Variants in KIF25 observed in about 807,000 individuals in gnomAD.
KIF25 encodes kinesin-like protein KIF25.
KIF25 carries 19 observed loss-of-function variants against 32.9 expected under a neutral mutation model. That is an observed-to-expected ratio of 0.58 (90% CI 0.40 to 0.85). KIF25 has a LOEUF of 0.85. KIF25 is among the 40% of genes least tolerant of loss of function. The pLI, the probability that KIF25 is intolerant of heterozygous loss-of-function variation, is 0.00. For synonymous variants in KIF25, 225 were observed against 213.7 expected (o/e 1.05, Z -0.46); for missense variants, 485 against 507.0 (o/e 0.96, Z 0.42).
At chr6:168,011,076 A>G (rs1351954303) in intron 4 of KIF25, among the ~76,000 whole-genome samples, 1 of 152,158 alleles carries the variant, frequency 6.6e-6, no homozygotes, top group Non-Finnish European at 1.5e-5. Context: ...GGCAGTTTAC[A>G]TCTTTAAAGT....
At chr6:168,020,840 GAT>G (rs1167480348) in intron 5 of KIF25, among the ~76,000 whole-genome samples, 1 of 152,110 alleles carries the variant, frequency 6.6e-6, no homozygotes, top group Non-Finnish European at 1.5e-5. Context: ...GGATGGAAAA[GAT>G]ATATTTACCT....
intron 2 of KIF25, among the ~76,000 whole-genome samples, chr6:168,000,888 G>T (rs1562378510): frequency 6.6e-6 from 1 of 152,228 alleles, no homozygotes; most frequent in African/African-American, 2.4e-5. Flanking sequence ...GGAGGGCCTG[G>T]CTTGAGCCTC....
At chr6:168,029,107 C>T (rs115865579) in intron 5 of KIF25, among the ~76,000 whole-genome samples, 2,018 of 152,264 alleles carry the variant, frequency 0.013, 22 homozygotes, top group African/African-American at 0.025. Context: ...AATCATAGCT[C>T]GTTGCAATAT....
At chr6:168,014,135 C>T (rs1379910843) in intron 4 of KIF25, among the ~76,000 whole-genome samples, 1 of 152,146 alleles carries the variant, frequency 6.6e-6, no homozygotes, top group Non-Finnish European at 1.5e-5. Flanking sequence ...TATCAATCCC[C>T]TCCTGTTATA....
At position 168,036,812 on chromosome 6, in the gene KIF25, A is replaced by G. The variant is rs902189204; in HGVS notation, c.318-1741A>G. 3.0e-4 allele frequency among the ~76,000 whole-genome samples: 46 copies of G among 152,214 alleles called. 1 individual carries two copies. The highest frequency in any genetic ancestry group is 1.1e-3 in the African/African-American group (46 of 41,456). On this transcript the variant is annotated intron_variant, in intron 8 of 12. Coordinates refer to ENST00000643607, the MANE Select transcript of KIF25 (RefSeq NM_030615.4). ...CATGGTGGCTCACACCTATAATCCC[A>G]TAACTTTGGGAGGCTTAGGCGGGTG...
chr6:168,003,255 TAA>T (rs1798531342), intron 3 of KIF25, among the ~76,000 whole-genome samples: 1 of 150,080 alleles, frequency 6.7e-6, no homozygotes, highest in South Asian at 2.1e-4. Flanking sequence ...GGTATTGGAG[TAA>T]AAAAATCAAG....
chr6:168,042,292 G>A (rs1189096626), intron 11 of KIF25, 141 bp downstream of exon 11: 14 of 958,162 alleles, frequency 1.5e-5, no homozygotes, highest in Admixed American at 5.6e-5. Context: ...TCCAAATCCC[G>A]TTACATTCTC....
At chr6:168,020,860 A>G (rs1798778737) in intron 5 of KIF25, among the ~76,000 whole-genome samples, 1 of 152,256 alleles carries the variant, frequency 6.6e-6, no homozygotes, top group African/African-American at 2.4e-5. Flanking sequence ...CCTGAATGCT[A>G]ACATTAATCA....
At chr6:168,030,594 T>C in intron 6 of KIF25, 179 bp from the exon 7 acceptor site, 3 of 477,936 alleles carry the variant, frequency 6.3e-6, no homozygotes, top group Non-Finnish European at 1.1e-5. Flanking sequence ...CTATCTTTAC[T>C]CTTTATTAAC....
intron 5 of KIF25, among the ~76,000 whole-genome samples, chr6:168,027,454 C>CAAAAAA: frequency 1.1e-5 from 1 of 88,974 alleles, no homozygotes; most frequent in Non-Finnish European, 2.3e-5. Flanking sequence ...ACTCTGTCTC[C>CAAAAAA]AAAAAAAAAA....
intron 5 of KIF25, among the ~76,000 whole-genome samples, chr6:168,027,538 T>C (rs1278483507): frequency 6.7e-6 from 1 of 150,212 alleles, no homozygotes; most frequent in Non-Finnish European, 1.5e-5. Flanking sequence ...GTCAAAGTTA[T>C]GAAGAAAAAG....
chr6:168,009,189 TTAGCTGTGGG>T (rs1367346617), intron 4 of KIF25, among the ~76,000 whole-genome samples: 1 of 152,138 alleles, frequency 6.6e-6, no homozygotes, highest in Non-Finnish European at 1.5e-5. Context: ...TGTTAGGATG[TTAGCTGTGGG>T]TTTGTTATAT....
chr6:168,002,367 G>A (rs1260576020), intron 2 of KIF25, among the ~76,000 whole-genome samples, 176 bp from the exon 3 acceptor site: 1 of 152,238 alleles, frequency 6.6e-6, no homozygotes, highest in African/African-American at 2.4e-5. Flanking sequence ...GCCTTGGGCA[G>A]GTGAGAAAGA....
In KIF25 at chr6:168,044,880, C is replaced by A; in HGVS notation, c.1039C>A (p.Leu347Met). ...ILCISPSQRH[L>M]AQTLQGLGFG... Reference sequence around the variant, plus strand: ...CTGCATTTCTCCCAGCCAGAGGCACCTGGCACAGACGTTGCAGGGCCTGGG... The same window carrying A: ...CTGCATTTCTCCCAGCCAGAGGCACATGGCACAGACGTTGCAGGGCCTGGG... Residue 347 changes from leucine to methionine, a missense_variant, in exon 13 of 13, where the codon CTG (leucine) becomes ATG (methionine). By Grantham distance (15) the Leu-to-Met change is conservative. Around this residue, in one of 2 missense-constraint regions of KIF25, gnomAD observed 480 missense variants for 470.3 expected, o/e 1.02. Transcript: ENST00000643607. The A allele has an allele frequency of 1.2e-6, 2 of 1,611,658 alleles. No homozygotes were observed. The highest frequency in any genetic ancestry group is 1.7e-6 in the Non-Finnish European group (2 of 1,178,232).
chr6:168,012,570 A>G (rs1798662552), intron 4 of KIF25, among the ~76,000 whole-genome samples: 1 of 152,154 alleles, frequency 6.6e-6, no homozygotes, highest in Admixed American at 6.5e-5. Context: ...GGTCTGGCTC[A>G]TTGGAGTTGG....
intron 6 of KIF25, 85 bp from the exon 7 acceptor site, chr6:168,030,688 G>A (rs1055144203): frequency 3.3e-5 from 31 of 950,298 alleles, no homozygotes; most frequent in African/African-American, 2.8e-4. Context: ...TACACGGGGC[G>A]TTGTGTTCCC....
intron 5 of KIF25, among the ~76,000 whole-genome samples, chr6:168,028,028 C>G (rs1212565503): frequency 6.6e-6 from 1 of 152,006 alleles, no homozygotes; most frequent in Non-Finnish European, 1.5e-5. Context: ...TCCAGAAGAA[C>G]CCCCCTGTGG....
At chr6:168,003,893 T>C (rs1798539402) in intron 4 of KIF25, among the ~76,000 whole-genome samples, 190 bp downstream of exon 4, 1 of 152,238 alleles carries the variant, frequency 6.6e-6, no homozygotes, top group Admixed American at 6.5e-5. Context: ...CCCGTAGTTC[T>C]ATGTGAGGAA....
chr6:168,044,263 G>T (rs1365531744), intron 12 of KIF25, among the ~76,000 whole-genome samples: 1 of 141,716 alleles, frequency 7.1e-6, no homozygotes, highest in East Asian at 2.2e-4. Context: ...AGGGGTGCTA[G>T]TGACCGGCTG....
Sources: gnomAD v4.1 joint callset for allele counts (sites outside exome capture counted in the v4.1 genomes callset) on GRCh38, gnomAD v4.1.1 for gene constraint, gnomAD v4.1.1 regional missense constraint, MANE v1.5 for transcripts, NCBI Gene and HGNC (gene_info 2026-07-23, HGNC 2026-07-21) for gene names.